Variants in EYS observed in about 807,000 individuals in gnomAD.
EYS encodes the protein EGF-like photoreceptor maintenance factor.
A neutral mutation model predicts 282.1 loss-of-function variants in EYS; 250 were observed. That is an observed-to-expected ratio of 0.89 (90% CI 0.80 to 0.98). EYS has a LOEUF of 0.98. Among genes scored for constraint, EYS ranks in the 50% least tolerant of loss-of-function variants. The pLI is 0.00. For synonymous variants in EYS, 1,355 were observed against 1,282.9 expected (o/e 1.06, Z -1.20); for missense variants, 4,016 against 3,709.0 (o/e 1.08, Z -2.15).
rs138304372 is a variant in EYS, at chr6:63,994,814, C to A, written c.6834+4261G>T. The stretch of plus-strand genomic sequence containing the variant: ...GAAATTAATGGTATAATTTAAAAAG[C>A]AAGGATTTTGAAAATTGAAAAAATT... On this transcript the variant is annotated intron_variant, in intron 34 of 42. Transcript: ENST00000503581. Among the ~76,000 whole-genome samples, 1,209 of 151,834 alleles carry A rather than the reference C, an allele frequency of 8.0e-3. 9 individuals carry two copies. The highest frequency in any genetic ancestry group is 0.027 in the African/African-American group (1,113 of 41,450).
At chr6:64,441,308 A>G (rs1774937274) in intron 26 of EYS, among the ~76,000 whole-genome samples, 1 of 152,220 alleles carries the variant, frequency 6.6e-6, no homozygotes, top group Non-Finnish European at 1.5e-5. Context: ...ACTCTGAATG[A>G]AAAATTAAAG....
Position 64,066,339 on chromosome 6 carries a change from G to A in EYS, c.6724C>T (p.Arg2242Cys), listed in dbSNP as rs990350691. ...ACTACCGTGGAGTACAGTACTTACC[G>A]TATTGTGATAGGGGTGAATGCATTT... The part of the protein sequence containing the change: ...NTNAFTPITI[R>C]YTTPVGSPGV... Residue 2242 changes from arginine (R) to cysteine (C), a missense_variant and splice_region_variant, in exon 33 of 43, where the codon CGC (arginine) becomes TGC (cysteine). Transcript: ENST00000503581. The A allele has an allele frequency of 3.9e-6, 6 of 1,549,706 alleles. No homozygotes were observed. The highest frequency in any genetic ancestry group is 2.4e-5 in the East Asian group (1 of 40,848).
chr6:64,536,887 A>G (rs1764533586), intron 26 of EYS, among the ~76,000 whole-genome samples: 1 of 151,802 alleles, frequency 6.6e-6, no homozygotes, highest in Non-Finnish European at 1.5e-5. Context: ...AGCCAATCAG[A>G]TTATATGATT....
intron 31 of EYS, among the ~76,000 whole-genome samples, chr6:64,184,270 T>C (rs549344830): frequency 2.6e-5 from 4 of 152,320 alleles, no homozygotes; most frequent in African/African-American, 7.2e-5. Flanking sequence ...TTGTATGTTA[T>C]GGAGACTTGA....
At chr6:64,175,135 A>C (rs886288700) in intron 31 of EYS, among the ~76,000 whole-genome samples, 1 of 152,168 alleles carries the variant, frequency 6.6e-6, no homozygotes, top group African/African-American at 2.4e-5. Context: ...CTGAATAAGT[A>C]TCTTCTCTTT....
At chr6:64,229,547 A>G (rs1349678011) in intron 31 of EYS, among the ~76,000 whole-genome samples, 3 of 152,242 alleles carry the variant, frequency 2.0e-5, no homozygotes, top group African/African-American at 7.2e-5. Context: ...TTTTATAGAT[A>G]AAATCAATTT....
chr6:65,358,987 C>T lies in EYS; in HGVS notation c.1300-5370G>A, dbSNP rs186336482. ...AGTTGAATGCCAAGGTTTGGAAATA[C>T]ACAAACATGCCTTTGGAAGCAAACA... On this transcript the variant is annotated intron_variant, in intron 8 of 42. Transcript: ENST00000503581. Among the ~76,000 whole-genome samples the T allele has an allele frequency of 1.3e-4, 20 of 152,112 alleles. No individual in the cohort carries two copies. The East Asian group carries it at 3.7e-3, about 28-fold the overall frequency.
intron 15 of EYS, among the ~76,000 whole-genome samples, chr6:64,917,580 C>G (rs1768206637): frequency 6.6e-6 from 1 of 152,040 alleles, no homozygotes; most frequent in African/African-American, 2.4e-5. Context: ...ATGTTGGTCA[C>G]AGGATACAGT....
chr6:64,843,986 A>C (rs928019208), intron 19 of EYS, among the ~76,000 whole-genome samples: 1 of 152,058 alleles, frequency 6.6e-6, no homozygotes, highest in African/African-American at 2.4e-5. Flanking sequence ...ATCTCACAAG[A>C]TTTGATGGTT....
intron 4 of EYS, among the ~76,000 whole-genome samples, chr6:65,493,781 T>G (rs1766131782): frequency 6.6e-6 from 1 of 152,194 alleles, no homozygotes. Flanking sequence ...ACAACCGTTA[T>G]TAATTATAAC....
chr6:63,972,159 T>C (rs1455773263), intron 35 of EYS, among the ~76,000 whole-genome samples: 1 of 152,254 alleles, frequency 6.6e-6, no homozygotes, highest in Non-Finnish European at 1.5e-5. Context: ...TAGTTACTTC[T>C]AAGCAGAGTT....
At chr6:64,688,165 CA>C (rs538362904) in intron 22 of EYS, among the ~76,000 whole-genome samples, 76 of 151,814 alleles carry the variant, frequency 5.0e-4, no homozygotes, top group African/African-American at 1.8e-3. Flanking sequence ...TGGATCTTTT[CA>C]AAAAAACAGC....
At chr6:64,850,417 T>C (rs1027557679) in intron 19 of EYS, among the ~76,000 whole-genome samples, 5 of 152,034 alleles carry the variant, frequency 3.3e-5, no homozygotes, top group African/African-American at 1.2e-4. Flanking sequence ...CAAAAATACA[T>C]GACCCCCATA....
At chr6:64,705,220 C>A (rs1449593044) in intron 22 of EYS, among the ~76,000 whole-genome samples, 1 of 152,136 alleles carries the variant, frequency 6.6e-6, no homozygotes, top group African/African-American at 2.4e-5. Context: ...AACTCAACCC[C>A]TTTTACAATA....
chr6:64,945,697 A>T, intron 15 of EYS, 96 bp downstream of exon 15: 2 of 1,096,608 alleles, frequency 1.8e-6, no homozygotes, highest in South Asian at 2.0e-5. Context: ...TATTTTAATT[A>T]AATGTATCTA....
chr6:65,446,611 G>A (rs148760566), intron 5 of EYS, among the ~76,000 whole-genome samples: 1 of 151,894 alleles, frequency 6.6e-6, no homozygotes, highest in African/African-American at 2.4e-5. Flanking sequence ...GTATTAACTT[G>A]AGAGAAAGCT....
At chr6:64,714,592 C>T (rs1453481244) in intron 22 of EYS, among the ~76,000 whole-genome samples, 2 of 146,592 alleles carry the variant, frequency 1.4e-5, no homozygotes, top group African/African-American at 5.2e-5. Context: ...GTGGCGCAAT[C>T]TCGGCTCACT....
chr6:65,013,447 G>A (rs182049159), intron 13 of EYS, among the ~76,000 whole-genome samples: 18 of 152,282 alleles, frequency 1.2e-4, no homozygotes, highest in Non-Finnish European at 2.5e-4. Flanking sequence ...GGTTCAAATA[G>A]GCAAGTAAAT....
chr6:63,914,183 A>G (rs1764355585), intron 35 of EYS, among the ~76,000 whole-genome samples: 1 of 152,180 alleles, frequency 6.6e-6, no homozygotes, highest in Non-Finnish European at 1.5e-5. Context: ...AAATTAGGCC[A>G]ATTAATAACC....
Sources: gnomAD v4.1 joint callset for allele counts (sites outside exome capture counted in the v4.1 genomes callset) on GRCh38, gnomAD v4.1.1 for gene constraint, MANE v1.5 for transcripts, NCBI Gene and HGNC (gene_info 2026-07-23, HGNC 2026-07-21) for gene names.